The following NAALADL2 variants were observed in gnomAD, a reference collection of about 807,000 sequenced individuals.
The protein encoded by NAALADL2 is inactive N-acetylated-alpha-linked acidic dipeptidase-like protein 2.
In NAALADL2, 76 loss-of-function variants were observed where a neutral mutation model predicts 87.2. The observed-to-expected ratio is 0.87, with a 90% CI of 0.72 to 1.05. The LOEUF (loss-of-function observed/expected upper bound fraction) is 1.05, where lower values mean the gene tolerates loss of function less well. Among genes scored for constraint, NAALADL2 ranks in the 50% least tolerant of loss-of-function variants. NAALADL2 has a pLI of 0.00. For synonymous variants in NAALADL2, 354 were observed against 331.0 expected, an observed-to-expected ratio of 1.07 and a Z score of -0.75; for missense variants, 1,089 against 945.8, an observed-to-expected ratio of 1.15 and a Z score of -1.99.
intron 1 of NAALADL2, among the ~76,000 whole-genome samples, chr3:174,448,695 G>C (rs1715245506): frequency 6.6e-6 from 1 of 152,056 alleles, no homozygotes; most frequent in Non-Finnish European, 1.5e-5. Flanking sequence ...TATCTTCCCT[G>C]ACTAAAATAG....
intron 1 of NAALADL2, among the ~76,000 whole-genome samples, chr3:175,046,582 T>A (rs1754697331): frequency 6.6e-6 from 1 of 152,122 alleles, no homozygotes; most frequent in South Asian, 2.1e-4. Flanking sequence ...CAGAGGATAA[T>A]GAAGTAAAGA....
chr3:175,786,051 G>A (rs1293397470), intron 13 of NAALADL2, among the ~76,000 whole-genome samples: 4 of 151,934 alleles, frequency 2.6e-5, no homozygotes, highest in African/African-American at 4.9e-5. Context: ...TGGCTTGTAG[G>A]GTTTCTGCCG....
intron 1 of NAALADL2, among the ~76,000 whole-genome samples, chr3:175,038,845 A>C (rs916033469): frequency 2.6e-5 from 4 of 152,012 alleles, no homozygotes; most frequent in Non-Finnish European, 5.9e-5. Flanking sequence ...AAACGTAAAC[A>C]GTTTTGAAAG....
At chr3:175,465,014 C>T (rs1437812421) in intron 7 of NAALADL2, among the ~76,000 whole-genome samples, 1 of 151,998 alleles carries the variant, frequency 6.6e-6, no homozygotes, top group Non-Finnish European at 1.5e-5. Context: ...TTGAAAAAAT[C>T]GATTTTACCA....
At chr3:174,813,029 T>C (rs1720392900) in intron 3 of NAALADL2, among the ~76,000 whole-genome samples, 1 of 152,152 alleles carries the variant, frequency 6.6e-6, no homozygotes, top group Non-Finnish European at 1.5e-5. Flanking sequence ...AAATGTACAG[T>C]ATTTATATTA....
At position 174,640,036 on chromosome 3, in the gene NAALADL2, A is replaced by T. The variant is rs76113183; in HGVS notation, c.-115+89399A>T. Among the ~76,000 whole-genome samples the T allele has an allele frequency of 2.1e-3, 319 of 151,984 alleles. 3 individuals are homozygous for T. The highest frequency in any genetic ancestry group is 7.2e-3 in the African/African-American group (297 of 41,472). On this transcript the variant is annotated intron_variant, in intron 2 of 3. Transcript: ENST00000434257. ...CTCAGGCTGTGTTTTGTAACTTGTA[A>T]CCTCCTCCCAAAGTTAGCTTGTTAT...
At chr3:175,256,760 G>A (rs2109835669) in intron 4 of NAALADL2, 1 of 292,164 alleles carries the variant, frequency 3.4e-6, no homozygotes, top group Admixed American at 5.3e-5. Flanking sequence ...TATTTCTTTA[G>A]AGAGAAAATA....
intron 4 of NAALADL2, among the ~76,000 whole-genome samples, chr3:175,300,146 C>T (rs377363479): frequency 4.6e-5 from 7 of 152,244 alleles, no homozygotes; most frequent in African/African-American, 7.2e-5. Context: ...CTGACTTGAT[C>T]GTGGTGGATA....
intron 2 of NAALADL2, among the ~76,000 whole-genome samples, chr3:174,552,457 C>G (rs1412934421): frequency 1.3e-5 from 2 of 152,050 alleles, no homozygotes; most frequent in Non-Finnish European, 2.9e-5. Context: ...GTTAGATTGA[C>G]AAATAAATTC....
Position 175,730,435 on chromosome 3 carries a change from TATATATATAC to T in NAALADL2, c.1897-6869_1897-6860del, listed in dbSNP as rs1207229931. 7.7e-3 allele frequency among the ~76,000 whole-genome samples: 630 copies of T among 82,256 alleles called. 7 individuals are homozygous for T. The highest frequency in any genetic ancestry group is 0.021 in the Middle Eastern group (3 of 144). The allele number at this position is 82,256 out of a possible 152,430, so 54.0% of individuals were successfully genotyped here. On this transcript the variant is annotated intron_variant, in intron 11 of 13. Transcript: ENST00000454872. Reference sequence around the variant, plus strand: ...ATATATATATATATATATATATATATATATATATACACACATACACACGCACACACACACG... The same window carrying T: ...ATATATATATATATATATATATATATACACATACACACGCACACACACACG...
At chr3:175,728,272 A>G (rs1483814603) in intron 11 of NAALADL2, among the ~76,000 whole-genome samples, 1 of 152,180 alleles carries the variant, frequency 6.6e-6, no homozygotes, top group African/African-American at 2.4e-5. Flanking sequence ...TATTTAAAAC[A>G]ATTAGGGAGT....
intron 2 of NAALADL2, among the ~76,000 whole-genome samples, chr3:175,206,263 T>TA (rs1553812240): frequency 0.2 from 14,739 of 73,584 alleles, 1,559 homozygotes; most frequent in African/African-American, 0.41. Context: ...TATATATATA[T>TA]TTTTTTTTTT....
At position 175,804,203 on chromosome 3, in the gene NAALADL2, G is replaced by C. The variant is rs1006542139; in HGVS notation, c.*1000G>C. ...TTTCTATTTCTGCCTCTGACAAAAA[G>C]AACTTACTATGAAAGAAATAGTTGT... On this transcript the variant is annotated 3_prime_UTR_variant, in exon 14 of 14. Transcript: ENST00000454872. 4.6e-5 allele frequency: 7 copies of C among 151,414 alleles called. No individual in the cohort carries two copies. Among genetic ancestry groups the C allele is most frequent in the Non-Finnish European group, 8.9e-5 (6 of 67,598 alleles). 9.4% of individuals were successfully genotyped at this position (151,414 alleles called of 1,614,324 possible).
chr3:175,155,390 C>G (rs973124850), intron 2 of NAALADL2, among the ~76,000 whole-genome samples: 2 of 152,098 alleles, frequency 1.3e-5, no homozygotes, highest in African/African-American at 4.8e-5. Context: ...GGCACCGGTC[C>G]TGTCAGAATC....
intron 3 of NAALADL2, among the ~76,000 whole-genome samples, chr3:175,250,177 A>G (rs1748782491): frequency 6.6e-6 from 1 of 151,882 alleles, no homozygotes. Flanking sequence ...CTTAAAAAAA[A>G]AAAAAAAAAG....
At chr3:174,797,641 T>G (rs1718302018) in intron 3 of NAALADL2, among the ~76,000 whole-genome samples, 1 of 152,166 alleles carries the variant, frequency 6.6e-6, no homozygotes, top group African/African-American at 2.4e-5. Flanking sequence ...CCTGCTTTGT[T>G]CAGTTTGCTT....
chr3:175,619,811 T>C (rs1029018425), intron 10 of NAALADL2, among the ~76,000 whole-genome samples: 1 of 152,090 alleles, frequency 6.6e-6, no homozygotes, highest in Admixed American at 6.5e-5. Flanking sequence ...TAATGGACTG[T>C]TGGGGACTGA....
At chr3:174,858,224 T>G (rs1253110296), upstream of NAALADL2, among the ~76,000 whole-genome samples, 3 of 149,102 alleles carry the variant, frequency 2.0e-5, no homozygotes, top group East Asian at 5.8e-4. Context: ...GAATATATAT[T>G]TATATTCATT....
chr3:175,029,801 G>C (rs1234610092), intron 1 of NAALADL2, among the ~76,000 whole-genome samples: 1 of 152,018 alleles, frequency 6.6e-6, no homozygotes, highest in Non-Finnish European at 1.5e-5. Context: ...GAAAATGTAT[G>C]TTTTGTTCCC....
Sources: allele counts gnomAD v4.1 joint callset (sites outside exome capture counted in the v4.1 genomes callset), GRCh38; gene constraint gnomAD v4.1.1; transcripts MANE v1.5; gene names NCBI Gene and HGNC (gene_info 2026-07-23, HGNC 2026-07-21).